Variants in PRKG1 observed in about 807,000 individuals in gnomAD.
The protein encoded by PRKG1 is protein kinase cGMP-dependent 1, also known as cGMP-dependent protein kinase 1.
Under a neutral mutation model 88.1 loss-of-function variants are expected in PRKG1, and 35 were observed. The observed-to-expected ratio is 0.40, with a 90% CI of 0.30 to 0.53. The LOEUF (loss-of-function observed/expected upper bound fraction) is 0.53. Ranked by LOEUF, PRKG1 falls within the 20% of genes least tolerant of loss-of-function variation. The pLI is 0.59. For synonymous variants in PRKG1, 303 were observed against 292.5 expected (o/e 1.04, Z -0.37); for missense variants, 540 against 839.8 (o/e 0.64, Z 4.41).
intron 4 of PRKG1, among the ~76,000 whole-genome samples, chr10:51,860,220 C>T (rs1168349752): frequency 2.6e-5 from 4 of 152,078 alleles, no homozygotes; most frequent in South Asian, 4.1e-4. Flanking sequence ...TTTGTACTTT[C>T]GAAAAAACAA....
intron 5 of PRKG1, among the ~76,000 whole-genome samples, chr10:51,991,800 T>C (rs1032039271): frequency 1.2e-4 from 18 of 152,226 alleles, no homozygotes; most frequent in African/African-American, 4.3e-4. Flanking sequence ...TTTGGGTTGG[T>C]TCCAAGTCTT....
chr10:50,994,634 T>C (rs1351632389), intron 1 of PRKG1, among the ~76,000 whole-genome samples: 1 of 152,120 alleles, frequency 6.6e-6, no homozygotes, highest in African/African-American at 2.4e-5. Flanking sequence ...TGTTCAGTTA[T>C]GATTTCTGTA....
At chr10:51,548,942 A>G (rs1842509633) in intron 3 of PRKG1, among the ~76,000 whole-genome samples, 1 of 151,944 alleles carries the variant, frequency 6.6e-6, no homozygotes, top group Non-Finnish European at 1.5e-5. Flanking sequence ...ATTTTACCTG[A>G]TAAAAAACTT....
In PRKG1 at chr10:51,800,064, C is replaced by A. The variant is rs191392677; in HGVS notation, c.593-4521C>A. Among the ~76,000 whole-genome samples, 49 of 152,162 alleles carry A rather than the reference C, an allele frequency of 3.2e-4. No individual in the cohort carries two copies. The East Asian group carries it at 8.7e-3, about 27-fold the overall frequency. On this transcript the variant is annotated intron_variant, in intron 3 of 17. Coordinates refer to ENST00000373980, the MANE Select transcript of PRKG1 (RefSeq NM_006258.4). ...ATGAATGTAAATTATATTAAGATAT[C>A]TGCAGCAAATATAGGAGGGTATAAA...
At chr10:52,145,931 A>G (rs879806594) in intron 8 of PRKG1, among the ~76,000 whole-genome samples, 20 of 152,186 alleles carry the variant, frequency 1.3e-4, no homozygotes, top group African/African-American at 4.3e-4. Context: ...ACTTCTTTGC[A>G]TAAAGTACAA....
At chr10:51,554,291 T>C (rs946394681) in intron 3 of PRKG1, among the ~76,000 whole-genome samples, 4 of 146,076 alleles carry the variant, frequency 2.7e-5, no homozygotes, top group Non-Finnish European at 6.0e-5. Context: ...TTATATATTA[T>C]ATATGTATAT....
chr10:51,625,683 T>C (rs1315997633), intron 3 of PRKG1, among the ~76,000 whole-genome samples: 2 of 151,856 alleles, frequency 1.3e-5, no homozygotes, highest in African/African-American at 4.8e-5. Context: ...GGGTGGAGTT[T>C]ATGATATTTA....
At chr10:51,820,796 T>G (rs139563871) in intron 4 of PRKG1, among the ~76,000 whole-genome samples, 1 of 152,196 alleles carries the variant, frequency 6.6e-6, no homozygotes, top group Non-Finnish European at 1.5e-5. Flanking sequence ...TTTTCTAGTT[T>G]TGATGGGGAG....
In PRKG1 at chr10:52,123,818, A is replaced by C. The variant is rs377507090; in HGVS notation, c.936-10022A>C. ...TTTTAGAGATTTTAGTTAACATGGTAAAGGAAAAGAAAGTGAATCTTAAAA... is the reference window on the plus strand; with the variant it reads ...TTTTAGAGATTTTAGTTAACATGGTCAAGGAAAAGAAAGTGAATCTTAAAA... On this transcript the variant is annotated intron_variant, in intron 7 of 17. Transcript: ENST00000373980. Among the ~76,000 whole-genome samples the C allele has an allele frequency of 3.0e-4, 45 of 152,200 alleles. 1 individual carries two copies. The East Asian group carries it at 3.9e-3, about 13-fold the overall frequency.
intron 10 of PRKG1, among the ~76,000 whole-genome samples, chr10:52,262,090 A>G (rs879638649): frequency 1.2e-4 from 18 of 152,118 alleles, no homozygotes; most frequent in Non-Finnish European, 2.6e-4. Flanking sequence ...GTTGATTGGG[A>G]CTACTAACTT....
At chr10:51,420,929 C>A (rs140192764) in intron 2 of PRKG1, among the ~76,000 whole-genome samples, 1 of 152,074 alleles carries the variant, frequency 6.6e-6, no homozygotes, top group Non-Finnish European at 1.5e-5. Flanking sequence ...TTTTAAATGA[C>A]CAGATCTGGT....
intron 4 of PRKG1, among the ~76,000 whole-genome samples, chr10:51,874,475 C>A (rs1841242345): frequency 6.6e-6 from 1 of 152,146 alleles, no homozygotes; most frequent in South Asian, 2.1e-4. Context: ...TTTGTAAATT[C>A]ATTATCTGCA....
intron 9 of PRKG1, among the ~76,000 whole-genome samples, chr10:52,243,774 GA>G (rs1255113899): frequency 1.3e-5 from 2 of 152,142 alleles, no homozygotes; most frequent in East Asian, 3.9e-4. Flanking sequence ...AGTCGTAGAA[GA>G]AAGGTGCTTT....
At chr10:52,249,825 G>A (rs1841127553) in intron 9 of PRKG1, among the ~76,000 whole-genome samples, 2 of 145,716 alleles carry the variant, frequency 1.4e-5, no homozygotes, top group South Asian at 4.4e-4. Context: ...GCAAGACTCT[G>A]TCTAAAAAAA....
At chr10:51,649,425 T>A (rs1206893619) in intron 3 of PRKG1, among the ~76,000 whole-genome samples, 1 of 152,202 alleles carries the variant, frequency 6.6e-6, no homozygotes, top group Non-Finnish European at 1.5e-5. Flanking sequence ...AAAGTATCTT[T>A]ATAATCATTT....
At chr10:51,512,376 G>T (rs1450609702) in intron 3 of PRKG1, among the ~76,000 whole-genome samples, 1 of 122,360 alleles carries the variant, frequency 8.2e-6, no homozygotes, top group Non-Finnish European at 1.6e-5. Flanking sequence ...TCCAGAGTGT[G>T]ATATTCCCCT....
Position 51,907,571 on chromosome 10 carries a change from G to A in PRKG1, c.762+1G>A, listed in dbSNP as rs1309556603. 1.9e-6 allele frequency: 3 copies of A among 1,613,038 alleles called. No individual in the cohort carries two copies. The highest frequency in any genetic ancestry group is 2.5e-6 in the Non-Finnish European group (3 of 1,179,234). On this transcript the variant is annotated splice_donor_variant, in intron 5 of 17. Coordinates refer to ENST00000373980, the MANE Select transcript of PRKG1 (RefSeq NM_006258.4). LOFTEE classifies it high-confidence loss of function. ...CAAGCTTGCTGATGTCCTTGAAGAG[G>A]TAATTGTTTTTAGCCTTTGAACTTT...
chr10:51,109,471 C>A (rs559799659), intron 1 of PRKG1, among the ~76,000 whole-genome samples: 9 of 151,858 alleles, frequency 5.9e-5, no homozygotes, highest in Non-Finnish European at 1.0e-4. Context: ...AGCGCAAAGG[C>A]AATTAAGTGA....
chr10:51,972,019 A>G (rs1480309521), intron 5 of PRKG1, among the ~76,000 whole-genome samples: 1 of 152,080 alleles, frequency 6.6e-6, no homozygotes, highest in African/African-American at 2.4e-5. Flanking sequence ...AGATTCTTTC[A>G]AAGCTTTCTG....
Sources: allele counts gnomAD v4.1 joint callset (sites outside exome capture counted in the v4.1 genomes callset), GRCh38; gene constraint gnomAD v4.1.1; transcripts MANE v1.5; gene names NCBI Gene and HGNC (gene_info 2026-07-23, HGNC 2026-07-21).